The following KIAA1217 variants were observed in gnomAD, a reference collection of about 807,000 sequenced individuals.
The protein encoded by KIAA1217 is sickle tail protein homolog.
KIAA1217 carries 88 observed loss-of-function variants against 163.9 expected under a neutral mutation model. The observed-to-expected ratio is 0.54, with a 90% CI of 0.45 to 0.64. The LOEUF (loss-of-function observed/expected upper bound fraction) is 0.64, where lower values mean the gene tolerates loss of function less well. Ranked by LOEUF, KIAA1217 falls within the 30% of genes least tolerant of loss-of-function variation. The pLI, the probability that KIAA1217 is intolerant of heterozygous loss-of-function variation, is 0.00. For synonymous variants in KIAA1217, 903 were observed against 923.1 expected, an observed-to-expected ratio of 0.98 and a Z score of 0.39; for missense variants, 2,372 against 2,475.0, an observed-to-expected ratio of 0.96 and a Z score of 0.88.
chr10:24,205,204 G>A (rs188449448), upstream of KIAA1217, among the ~76,000 whole-genome samples: 12 of 149,690 alleles, frequency 8.0e-5, no homozygotes, highest in African/African-American at 2.2e-4. Flanking sequence ...TAATCCCAGC[G>A]TGATTACTTT....
intron 1 of KIAA1217, among the ~76,000 whole-genome samples, chr10:23,894,329 A>G (rs2131223313): frequency 6.6e-6 from 1 of 152,146 alleles, no homozygotes; most frequent in East Asian, 1.9e-4. Flanking sequence ...AATCACAAGC[A>G]TTCTTACACA....
At chr10:24,128,203 G>C (rs983838156) in intron 2 of KIAA1217, among the ~76,000 whole-genome samples, 1 of 152,234 alleles carries the variant, frequency 6.6e-6, no homozygotes, top group South Asian at 2.1e-4. Flanking sequence ...CTGGTCAGTG[G>C]TTTACAATGG....
intron 2 of KIAA1217, among the ~76,000 whole-genome samples, chr10:24,024,020 T>C (rs1191267039): frequency 2.0e-5 from 3 of 151,584 alleles, no homozygotes; most frequent in Non-Finnish European, 4.4e-5. Flanking sequence ...ACATAATCTA[T>C]ATTTTGGTCT....
chr10:24,226,979 C>G (rs1395028380), intron 2 of KIAA1217, among the ~76,000 whole-genome samples: 1 of 152,062 alleles, frequency 6.6e-6, no homozygotes, highest in African/African-American at 2.4e-5. Context: ...CAGTTATTCA[C>G]AGAATTTCTA....
At chr10:24,294,127 G>T (rs1441967003) in intron 2 of KIAA1217, among the ~76,000 whole-genome samples, 5 of 134,088 alleles carry the variant, frequency 3.7e-5, no homozygotes, top group African/African-American at 1.4e-4. Flanking sequence ...GGCGGAGCTT[G>T]CAGTGAGCCG....
intron 2 of KIAA1217, among the ~76,000 whole-genome samples, chr10:24,149,700 A>T (rs1242566966): frequency 6.6e-6 from 1 of 152,218 alleles, no homozygotes; most frequent in Non-Finnish European, 1.5e-5. Context: ...ATAGTACAGA[A>T]GAGAAGTTAT....
intron 2 of KIAA1217, among the ~76,000 whole-genome samples, chr10:24,167,180 T>G (rs2065390382): frequency 1.1e-5 from 1 of 90,398 alleles, no homozygotes; most frequent in Non-Finnish European, 2.4e-5. Context: ...AGTCTTTGTT[T>G]TAGGTTCTCT....
Position 24,543,234 on chromosome 10 carries a change from C to T in KIAA1217, c.3964C>T (p.His1322Tyr). 1 of 1,613,626 alleles carries T rather than the reference C, an allele frequency of 6.2e-7. No homozygotes were observed. The highest frequency in any genetic ancestry group is 8.5e-7 in the Non-Finnish European group (1 of 1,179,960). Residue 1322 changes from histidine (H) to tyrosine (Y), a missense_variant, in exon 19 of 21, where the codon CAC becomes TAC. Transcript: ENST00000376454. ...QNTDKCHVSS[H>Y]TRLTESSVHD... ...TACGGATAAGTGTCACGTTTCCTCT[C>T]ACACTAGACTAACAGAATCAAGCGT...
Position 24,543,009 on chromosome 10 carries a change from T to A in KIAA1217, c.3739T>A (p.Ser1247Thr). 1 of 1,613,658 alleles carries A rather than the reference T, an allele frequency of 6.2e-7. No individual in the cohort carries two copies. Among genetic ancestry groups the A allele is most frequent in the Non-Finnish European group, 8.5e-7 (1 of 1,179,892 alleles). ...TEIIMKENSI[S>T]NMSLLRDSRN... ...GATCATAATGAAGGAAAATTCCATA[T>A]CCAATATGAGTTTACTCAGAGACAG... is the stretch of plus-strand genomic sequence containing the variant. The change falls in exon 19 of 21, where the codon TCC becomes ACC. Residue 1247 changes from serine (S) to threonine (T), a missense_variant. Ser to Thr is a moderately conservative substitution (Grantham distance 58). Coordinates refer to ENST00000376454, the MANE Select transcript of KIAA1217 (RefSeq NM_019590.5).
intron 2 of KIAA1217, among the ~76,000 whole-genome samples, chr10:24,352,287 T>C (rs1435810101): frequency 6.6e-6 from 1 of 152,248 alleles, no homozygotes; most frequent in African/African-American, 2.4e-5. Flanking sequence ...AGTAATCCTT[T>C]AAAGAGTCCA....
rs1458065831 is a variant in KIAA1217, at chr10:23,818,301, A to T, written c.-321+123067A>T. 2.1e-4 allele frequency among the ~76,000 whole-genome samples: 29 copies of T among 140,276 alleles called. No individual in the cohort carries two copies. In the East Asian group the frequency reaches 6.0e-3, roughly 29 times the overall value. 92.0% of individuals were successfully genotyped at this position (140,276 alleles called of 152,430 possible). A position where few individuals can be genotyped will look rare whatever the true frequency, so the allele number is the denominator to read the frequency against. ...GTTATATATTTATATGTTATATATAAATTATATATATATAACACTATATAT... is the reference window on the plus strand; with the variant it reads ...GTTATATATTTATATGTTATATATATATTATATATATATAACACTATATAT... On this transcript the variant is annotated intron_variant, in intron 1 of 18. Transcript: ENST00000376462.
At chr10:24,320,230 T>A (rs1017176844) in intron 2 of KIAA1217, among the ~76,000 whole-genome samples, 10 of 152,194 alleles carry the variant, frequency 6.6e-5, no homozygotes, top group Admixed American at 5.9e-4. Context: ...CAAACAAATT[T>A]CTAATTACAC....
rs374445564 is a variant in KIAA1217 at position 23,942,015 on chromosome 10, G to A, written c.-320-65210G>A. Among the ~76,000 whole-genome samples the A allele has an allele frequency of 3.3e-5, 5 of 152,202 alleles. No individual in the cohort carries two copies. In the South Asian group the frequency reaches 1.0e-3, roughly 32 times the overall value. On this transcript the variant is annotated intron_variant, in intron 1 of 18. Coordinates refer to the KIAA1217 transcript ENST00000376462. ...CAAAGATCTACACCGCACAGAGGAA[G>A]AAAAAAGAATCCAAAGCCTCTACAA... is the stretch of plus-strand genomic sequence containing the variant.
chr10:24,195,061 C>G (rs371882112), intron 2 of KIAA1217, among the ~76,000 whole-genome samples: 25 of 152,206 alleles, frequency 1.6e-4, no homozygotes, highest in African/African-American at 5.8e-4. Context: ...GCCAGGCCAC[C>G]CTGGGTGGGC....
Position 23,836,761 on chromosome 10 carries a change from A to C in KIAA1217, c.-321+141527A>C, listed in dbSNP as rs1019395122. 7.9e-5 allele frequency among the ~76,000 whole-genome samples: 12 copies of C among 151,750 alleles called. No individual in the cohort carries two copies. In the Admixed American group the frequency reaches 7.9e-4, roughly 10 times the overall value. ...GCAACATAATGAGACCCCCGTCTCC[A>C]CAAAAAATAAAAAAAAAAATTAGCC... On this transcript the variant is annotated intron_variant, in intron 1 of 18. Coordinates refer to the KIAA1217 transcript ENST00000376462.
Position 23,812,992 on chromosome 10 carries a change from G to A in KIAA1217, c.-321+117758G>A, listed in dbSNP as rs2130989365. On this transcript the variant is annotated intron_variant, in intron 1 of 18. Coordinates refer to the KIAA1217 transcript ENST00000376462. ...GAATTGCTGGGTCTATGGTAACTAT[G>A]TTTAACCATTGAGGACTGCCTGACT... Among the ~76,000 whole-genome samples the A allele has an allele frequency of 1.3e-5, 2 of 150,448 alleles. 1 individual carries two copies. The highest frequency in any genetic ancestry group is 4.2e-4 in the South Asian group (2 of 4,752).
intron 2 of KIAA1217, among the ~76,000 whole-genome samples, chr10:24,129,229 G>C (rs2063569025): frequency 6.6e-6 from 1 of 151,950 alleles, no homozygotes; most frequent in Non-Finnish European, 1.5e-5. Context: ...CAGTGTAATA[G>C]AGTCATTATG....
At chr10:23,835,858 A>G (rs568861704) in intron 1 of KIAA1217, among the ~76,000 whole-genome samples, 109 of 151,598 alleles carry the variant, frequency 7.2e-4, no homozygotes, top group Non-Finnish European at 9.1e-4. Flanking sequence ...CATTTGCTAT[A>G]TCTCCCTCTG....
chr10:23,817,998 T>TACACACAC, intron 1 of KIAA1217, among the ~76,000 whole-genome samples: 2 of 103,724 alleles, frequency 1.9e-5, no homozygotes, highest in African/African-American at 8.5e-5. Flanking sequence ...TATATATATA[T>TACACACAC]ATATATATAT....
Sources: allele counts gnomAD v4.1 joint callset (sites outside exome capture counted in the v4.1 genomes callset), GRCh38; gene constraint gnomAD v4.1.1; transcripts MANE v1.5; gene names NCBI Gene and HGNC (gene_info 2026-07-23, HGNC 2026-07-21).